The following RHOT1 variants were observed in gnomAD, a reference collection of about 807,000 sequenced individuals.
RHOT1 encodes mitochondrial Rho GTPase 1.
Under a neutral mutation model 95.3 loss-of-function variants are expected in RHOT1, and 27 were observed. That is an observed-to-expected ratio of 0.28 (90% confidence interval 0.21 to 0.39). RHOT1 has a LOEUF of 0.39. Among genes scored for constraint, RHOT1 ranks in the 10% least tolerant of loss-of-function variants. The pLI, the probability that RHOT1 is intolerant of heterozygous loss-of-function variation, is 1.00. For missense variants in RHOT1, 578 were observed against 786.7 expected (o/e 0.73, Z 3.17); for synonymous variants, 227 against 263.5 (o/e 0.86, Z 1.34).
chr17:32,200,775 C>CA (rs367743557), intron 13 of RHOT1, among the ~76,000 whole-genome samples, 181 bp from the exon 14 acceptor site: 1,347 of 110,650 alleles, frequency 0.012, 9 homozygotes, highest in African/African-American at 0.03. Flanking sequence ...CCCTATCTTT[C>CA]AAAAAAAAAA....
chr17:32,146,467 A>G (rs1260636481), intron 1 of RHOT1, among the ~76,000 whole-genome samples: 1 of 151,402 alleles, frequency 6.6e-6, no homozygotes. Context: ...TTTTTTTGAG[A>G]TGGAGTCTCG....
At chr17:32,220,170 T>C (rs998728434) in intron 19 of RHOT1, among the ~76,000 whole-genome samples, 1 of 151,616 alleles carries the variant, frequency 6.6e-6, no homozygotes, top group Admixed American at 6.6e-5. Flanking sequence ...AAGACTGGCC[T>C]GTGCAACATA....
chr17:32,187,008 C>T lies in RHOT1; in HGVS notation c.540+3736C>T, dbSNP rs527407686. On this transcript the variant is annotated intron_variant, in intron 8 of 19. Coordinates refer to ENST00000545287, the MANE Select transcript of RHOT1 (RefSeq NM_001033566.3). Reference sequence around the variant, plus strand: ...AATTTTTATTTTAAGAAGCGGGGGCCGGGTGCAGTGGCTCATGCCTGTAAT... The same window carrying T: ...AATTTTTATTTTAAGAAGCGGGGGCTGGGTGCAGTGGCTCATGCCTGTAAT... 1.4e-3 allele frequency among the ~76,000 whole-genome samples: 208 copies of T among 151,790 alleles called. 1 individual carries two copies. The highest frequency in any genetic ancestry group is 4.9e-3 in the African/African-American group (202 of 41,408).
intron 19 of RHOT1, 87 bp downstream of exon 19, chr17:32,211,325 C>T: frequency 8.0e-7 from 1 of 1,243,554 alleles, no homozygotes; most frequent in Non-Finnish European, 1.1e-6. Flanking sequence ...CAGATACTCA[C>T]TACAAAGACA....
intron 6 of RHOT1, among the ~76,000 whole-genome samples, chr17:32,176,973 G>A (rs2035059298): frequency 6.6e-6 from 1 of 152,064 alleles, no homozygotes; most frequent in African/African-American, 2.4e-5. Flanking sequence ...AAGTTTTTGT[G>A]CCTTGAAACG....
intron 19 of RHOT1, among the ~76,000 whole-genome samples, chr17:32,219,154 G>C (rs192428654): frequency 8.1e-4 from 123 of 152,304 alleles, no homozygotes; most frequent in African/African-American, 2.9e-3. Context: ...GAGAAATTGT[G>C]TGGGAAGACT....
chr17:32,170,081 A>G (rs1396628926), intron 1 of RHOT1, among the ~76,000 whole-genome samples: 1 of 152,104 alleles, frequency 6.6e-6, no homozygotes, highest in Non-Finnish European at 1.5e-5. Context: ...TTAATAAATT[A>G]TAATACATCA....
At chr17:32,183,140 G>C in intron 7 of RHOT1, 31 bp from the exon 8 acceptor site, 1 of 1,498,900 alleles carries the variant, frequency 6.7e-7, no homozygotes, top group Non-Finnish European at 9.2e-7. Context: ...TCTCATAATT[G>C]ATTTCAGAGT....
At chr17:32,202,623 G>T (rs2037405989) in intron 14 of RHOT1, 147 bp from the exon 15 acceptor site, 1 of 591,672 alleles carries the variant, frequency 1.7e-6, no homozygotes, top group African/African-American at 1.9e-5. Context: ...CATACAGCTT[G>T]ACTGTTGTAC....
At chr17:32,221,062 T>G (rs909737204) in intron 19 of RHOT1, 1 of 983,894 alleles carries the variant, frequency 1.0e-6, no homozygotes, top group Non-Finnish European at 1.2e-6. Context: ...TATTTCTGCT[T>G]AAGTTTAGAA....
Position 32,175,353 on chromosome 17 carries a change from A to C in RHOT1, c.213A>C (p.Glu71Asp), listed in dbSNP as rs2034908827. 1 of 1,613,532 alleles carries C rather than the reference A, an allele frequency of 6.2e-7. No homozygotes were observed. Residue 71 changes from glutamate (E) to aspartate (D), a missense_variant, in exon 4 of 20, where the codon GAA (glutamate) becomes GAC (aspartate). Physicochemically the swap from Glu to Asp is conservative, Grantham distance 45. Transcript: ENST00000545287. ...AEQSDEQLHQ[E>D]ISQANVICIV... ...AGAGTGATGAACAACTTCATCAAGAAATATCTCAGGTGAGCTTTAAAAAAC... is the reference window on the plus strand; with the variant it reads ...AGAGTGATGAACAACTTCATCAAGACATATCTCAGGTGAGCTTTAAAAAAC...
intron 1 of RHOT1, among the ~76,000 whole-genome samples, chr17:32,165,219 C>T (rs569144442): frequency 2.0e-4 from 30 of 151,776 alleles, no homozygotes; most frequent in African/African-American, 3.4e-4. Flanking sequence ...TGCCTGTAGT[C>T]CCAGCTACTT....
rs560947258 is a variant in RHOT1, at chr17:32,198,108, T to G, written c.870-839T>G. ...ATGGAGTTCACTTTGTTGCCCAGGC[T>G]GGTCTTGAACTCCTGGGCTCAAGTG... On this transcript the variant is annotated intron_variant, in intron 11 of 19. Coordinates refer to ENST00000545287, the MANE Select transcript of RHOT1 (RefSeq NM_001033566.3). 3.9e-5 allele frequency among the ~76,000 whole-genome samples: 6 copies of G among 152,000 alleles called. No homozygotes were observed. The East Asian group carries it at 1.2e-3, about 30-fold the overall frequency.
rs1598445414 is a variant in RHOT1, at chr17:32,208,102, C to T, written c.1537-5C>T. On this transcript the variant is annotated splice_region_variant and splice_polypyrimidine_tract_variant and intron_variant, in intron 17 of 19. Transcript: ENST00000545287. The stretch of plus-strand genomic sequence containing the variant: ...CAGATTTTGATTTCATTTTTTATTC[C>T]ATAGCAACACTTTATGGACAGCAGA... 1 of 1,610,376 alleles carries T rather than the reference C, an allele frequency of 6.2e-7. No homozygotes were observed. The highest frequency in any genetic ancestry group is 8.5e-7 in the Non-Finnish European group (1 of 1,177,368).
chr17:32,210,800 G>A (rs1425623327), intron 18 of RHOT1, among the ~76,000 whole-genome samples: 1 of 151,990 alleles, frequency 6.6e-6, no homozygotes, highest in Admixed American at 6.6e-5. Context: ...AGACGAGGGT[G>A]CCATCTATTG....
intron 19 of RHOT1, among the ~76,000 whole-genome samples, chr17:32,224,374 A>G (rs1213277338): frequency 1.3e-5 from 2 of 152,178 alleles, no homozygotes; most frequent in Non-Finnish European, 2.9e-5. Context: ...ACAAATTTAG[A>G]TGTCTACTCC....
In RHOT1 at chr17:32,142,583, G is replaced by T; in HGVS notation, c.-110G>T. The T allele has an allele frequency of 1.1e-6, 1 of 889,458 alleles. No homozygotes were observed. The highest frequency in any genetic ancestry group is 1.6e-6 in the Non-Finnish European group (1 of 628,598). The allele number at this position is 889,458 out of a possible 1,614,324, so 55.1% of individuals were successfully genotyped here. A position where few individuals can be genotyped will look rare whatever the true frequency, so the allele number is the denominator to read the frequency against. On this transcript the variant is annotated 5_prime_UTR_variant, in exon 1 of 20. Transcript: ENST00000545287. ...AAGCAACTGAGGGGGCGGCGCGGCG[G>T]GCCCCGGCGGCCGAAGAGGCTGGCA...
intron 10 of RHOT1, 60 bp downstream of exon 10, chr17:32,193,304 G>A (rs994058812): frequency 8.5e-6 from 9 of 1,057,408 alleles, no homozygotes; most frequent in African/African-American, 3.1e-5. Context: ...TTGGCAGAAG[G>A]TGAAGGTCTT....
chr17:32,150,813 A>G (rs567765880), intron 1 of RHOT1: 3 of 1,539,310 alleles, frequency 1.9e-6, no homozygotes, highest in Non-Finnish European at 2.7e-6. Context: ...TCCATGCCCA[A>G]TTGGAAGGGT....
Sources: gnomAD v4.1 joint callset for allele counts (sites outside exome capture counted in the v4.1 genomes callset) on GRCh38, gnomAD v4.1.1 for gene constraint, MANE v1.5 for transcripts, NCBI Gene and HGNC (gene_info 2026-07-23, HGNC 2026-07-21) for gene names.